The following FBN1 variants were observed in gnomAD, a reference collection of about 807,000 sequenced individuals.
FBN1 encodes the protein fibrillin-1.
Under a neutral mutation model 365.1 loss-of-function variants are expected in FBN1, and 29 were observed. The observed-to-expected ratio is 0.08, with a 90% CI of 0.06 to 0.11. FBN1 has a LOEUF of 0.11. Ranked by LOEUF, FBN1 falls within the 10% of genes least tolerant of loss-of-function variation. FBN1 has a pLI of 1.00. For synonymous variants in FBN1, 1,210 were observed against 1,270.5 expected (o/e 0.95, Z 1.01); for missense variants, 2,476 against 3,703.2 (o/e 0.67, Z 8.60).
Position 48,409,772 on chromosome 15 carries a change from T to C in FBN1, c.*1218A>G, listed in dbSNP as rs2042845818. On this transcript the variant is annotated 3_prime_UTR_variant, in exon 66 of 66. Coordinates refer to ENST00000316623, the MANE Select transcript of FBN1 (RefSeq NM_000138.5). The stretch of plus-strand genomic sequence containing the variant: ...AATTCATGTGCTCTAAGACAATGAC[T>C]GAACTTGGTATTTAAGACTATTTAA... 6.6e-6 allele frequency: 1 copy of C among 152,184 alleles called. No individual in the cohort carries two copies. Among genetic ancestry groups the C allele is most frequent in the Non-Finnish European group, 1.5e-5 (1 of 68,036 alleles). 9.4% of individuals were successfully genotyped at this position (152,184 alleles called of 1,614,324 possible). A position where few individuals can be genotyped will look rare whatever the true frequency, so the allele number is the denominator to read the frequency against.
At chr15:48,486,167 T>G (rs1034493226) in intron 29 of FBN1, among the ~76,000 whole-genome samples, 3 of 152,230 alleles carry the variant, frequency 2.0e-5, no homozygotes, top group African/African-American at 7.2e-5. Context: ...ACATCTCAGT[T>G]ATGATAATAG....
chr15:48,635,760 T>C (rs2140772291), intron 2 of FBN1, among the ~76,000 whole-genome samples: 1 of 152,344 alleles, frequency 6.6e-6, no homozygotes, highest in East Asian at 1.9e-4. Flanking sequence ...AAACAAAACA[T>C]ACTGCTTCAT....
Position 48,574,614 on chromosome 15 carries a change from C to A in FBN1, c.538+21669G>T, listed in dbSNP as rs548166602. 3.3e-5 allele frequency among the ~76,000 whole-genome samples: 5 copies of A among 150,982 alleles called. No individual in the cohort carries two copies. The South Asian group carries it at 1.0e-3, about 31-fold the overall frequency. On this transcript the variant is annotated intron_variant, in intron 6 of 65. Transcript: ENST00000316623. ...ACCTACTTTGTACAGGCACCACGTA[C>A]AGATAACATCTATATCCTAAACAGC...
Position 48,430,760 on chromosome 15 carries a change from T to C in FBN1, c.6782A>G (p.Lys2261Arg). 7 of 1,613,936 alleles carry C rather than the reference T, an allele frequency of 4.3e-6. No homozygotes were observed. The highest frequency in any genetic ancestry group is 5.9e-6 in the Non-Finnish European group (7 of 1,179,856). ...AATGAGGTTCTTGCATTCCATTTGT[T>C]TTTCAGTACAGTCATGTTTTCCCTC... ...CEEGKHDCTE[K>R]QMECKNLIGT... Residue 2261 changes from lysine (K) to arginine (R), a missense_variant, in exon 56 of 66, where the codon AAA (lysine) becomes AGA (arginine). Lys to Arg is a conservative substitution (Grantham distance 26). Transcript: ENST00000316623.
At chr15:48,549,858 T>TC (rs1037818124) in intron 6 of FBN1, among the ~76,000 whole-genome samples, 1 of 152,156 alleles carries the variant, frequency 6.6e-6, no homozygotes, top group African/African-American at 2.4e-5. Context: ...ACTCCAGTTC[T>TC]CCCCTTCCTT....
rs199846998 is a variant in FBN1, at chr15:48,411,064, T to G, written c.8542A>C (p.Lys2848Gln). 70 of 1,613,988 alleles carry G rather than the reference T, an allele frequency of 4.3e-5. No homozygotes were observed. In the Admixed American group the frequency reaches 1.1e-3, roughly 26 times the overall value. The stretch of plus-strand genomic sequence containing the variant: ...CCACTGAGGTAGTCTTTGTCATATT[T>G]GTCTTCTAGTTGGTTAAGTTCTTTC... ...KKKELNQLED[K>Q]YDKDYLSGEL... The change falls in exon 66 of 66, where the codon AAA becomes CAA. Residue 2848 changes from lysine (K) to glutamine (Q), a missense_variant. This residue lies in a region of FBN1 where 177 missense variants were observed against 192.7 expected (regional missense o/e 0.92). Transcript: ENST00000316623.
intron 60 of FBN1, 122 bp downstream of exon 60, chr15:48,425,247 C>T (rs2042970058): frequency 7.3e-7 from 1 of 1,361,096 alleles, no homozygotes; most frequent in Non-Finnish European, 1.1e-6. Context: ...GGCATTAACC[C>T]CAGGGAAGCA....
chr15:48,535,374 C>T (rs1164084016), intron 7 of FBN1, among the ~76,000 whole-genome samples: 1 of 152,210 alleles, frequency 6.6e-6, no homozygotes, highest in Non-Finnish European at 1.5e-5. Flanking sequence ...GTTGTATAAC[C>T]AGCACCTAAG....
chr15:48,590,314 T>TA (rs1161881880), intron 6 of FBN1, among the ~76,000 whole-genome samples: 1 of 152,246 alleles, frequency 6.6e-6, no homozygotes, highest in African/African-American at 2.4e-5. Context: ...GTAAAGTTTT[T>TA]ACTTTCTTTT....
chr15:48,600,447 T>C (rs2044553614), intron 4 of FBN1, among the ~76,000 whole-genome samples: 1 of 152,246 alleles, frequency 6.6e-6, no homozygotes. Context: ...CTCATGCCTG[T>C]AATCCCAACA....
At position 48,568,061 on chromosome 15, in the gene FBN1, A is replaced by AAAG. The variant is rs1308444243; in HGVS notation, c.538+28219_538+28221dup. ...AGAAAGAAAGAAAGAAGAAAGAAAGAAAGAAAGAAAGAAAGAAAGAAAGAC... is the reference window on the plus strand; with the variant it reads ...AGAAAGAAAGAAAGAAGAAAGAAAGAAAGAAGAAAGAAAGAAAGAAAGAAAGAC... On this transcript the variant is annotated intron_variant, in intron 6 of 65. Coordinates refer to ENST00000316623, the MANE Select transcript of FBN1 (RefSeq NM_000138.5). Among the ~76,000 whole-genome samples the AAAG allele has an allele frequency of 8.5e-4, 103 of 121,858 alleles. 1 individual carries two copies. The highest frequency in any genetic ancestry group is 4.3e-4 in the Non-Finnish European group (25 of 58,142). The allele number at this position is 121,858 out of a possible 152,430, so 79.9% of individuals were successfully genotyped here.
chr15:48,589,908 G>T (rs1187120759), intron 6 of FBN1, among the ~76,000 whole-genome samples: 4 of 152,066 alleles, frequency 2.6e-5, no homozygotes, highest in Non-Finnish European at 4.4e-5. Context: ...GAGCCACCAC[G>T]CCCTGCCACA....
intron 6 of FBN1, among the ~76,000 whole-genome samples, chr15:48,593,386 T>C (rs185333605): frequency 6.6e-6 from 1 of 152,324 alleles, no homozygotes; most frequent in East Asian, 1.9e-4. Context: ...AGGTTTTTGC[T>C]TTTGTTTTTA....
At chr15:48,525,654 G>A (rs541350231) in intron 9 of FBN1, among the ~76,000 whole-genome samples, 3 of 152,188 alleles carry the variant, frequency 2.0e-5, no homozygotes, top group South Asian at 2.1e-4. Flanking sequence ...GAAAACTACC[G>A]AGGGTTTGAG....
At chr15:48,574,362 G>A (rs549350540) in intron 6 of FBN1, among the ~76,000 whole-genome samples, 4 of 152,292 alleles carry the variant, frequency 2.6e-5, no homozygotes, top group South Asian at 2.1e-4. Flanking sequence ...CAGCATGGAT[G>A]AAGCATGGCA....
intron 31 of FBN1, among the ~76,000 whole-genome samples, chr15:48,483,066 G>T (rs2043477682): frequency 6.6e-6 from 1 of 152,124 alleles, no homozygotes; most frequent in African/African-American, 2.4e-5. Context: ...ACTCAGTAAG[G>T]CACAATTTAC....
intron 6 of FBN1, among the ~76,000 whole-genome samples, chr15:48,546,529 G>C (rs1268411940): frequency 6.6e-6 from 1 of 152,202 alleles, no homozygotes; most frequent in Non-Finnish European, 1.5e-5. Flanking sequence ...GCTGTGACCA[G>C]AGCTTTGAGT....
At chr15:48,502,836 A>G (rs72739818) in intron 17 of FBN1, among the ~76,000 whole-genome samples, 1 of 152,344 alleles carries the variant, frequency 6.6e-6, no homozygotes, top group Non-Finnish European at 1.5e-5. Flanking sequence ...AGGAAAATTC[A>G]GAAATAAGCA....
At chr15:48,561,875 A>T (rs2044224428) in intron 6 of FBN1, among the ~76,000 whole-genome samples, 1 of 152,044 alleles carries the variant, frequency 6.6e-6, no homozygotes, top group African/African-American at 2.4e-5. Flanking sequence ...TTTAGCACAT[A>T]GCTTTCCCTG....
Sources: gnomAD v4.1 joint callset for allele counts (sites outside exome capture counted in the v4.1 genomes callset) on GRCh38, gnomAD v4.1.1 for gene constraint, gnomAD v4.1.1 regional missense constraint, MANE v1.5 for transcripts, NCBI Gene and HGNC (gene_info 2026-07-23, HGNC 2026-07-21) for gene names.